CDKN2B-AS1: variants seen among roughly 807,000 people sequenced by gnomAD.
The protein encoded by CDKN2B-AS1 is CDKN2B antisense RNA 1 (non-protein coding).
At chr9:22,065,941 G>C (rs1824017879) in intron 4 of CDKN2B-AS1, among the ~76,000 whole-genome samples, 1 of 152,068 alleles carries the variant, frequency 6.6e-6, no homozygotes, top group South Asian at 2.1e-4. Flanking sequence ...TGACCTTTTG[G>C]CTTCAGGTAG....
chr9:22,014,433 G>C (rs1821650894), intron 1 of CDKN2B-AS1, among the ~76,000 whole-genome samples: 1 of 151,990 alleles, frequency 6.6e-6, no homozygotes, highest in Admixed American at 6.6e-5. Context: ...CCAAAGTGTT[G>C]GGATTACAGA....
At chr9:22,095,516 T>C (rs1825243168) in intron 4 of CDKN2B-AS1, among the ~76,000 whole-genome samples, 2 of 150,488 alleles carry the variant, frequency 1.3e-5, no homozygotes, top group South Asian at 2.1e-4. Flanking sequence ...AACTATGTGG[T>C]CAATTTTGGA....
intron 3 of CDKN2B-AS1, among the ~76,000 whole-genome samples, chr9:22,055,836 A>G (rs80227305): frequency 0.01 from 1,578 of 152,238 alleles, 24 homozygotes; most frequent in African/African-American, 0.032. Flanking sequence ...ACTCGGCTAC[A>G]TTATGAGAGG....
At chr9:22,101,548 C>A (rs1296079041) in intron 4 of CDKN2B-AS1, among the ~76,000 whole-genome samples, 1 of 151,968 alleles carries the variant, frequency 6.6e-6, no homozygotes, top group East Asian at 1.9e-4. Context: ...AGCTTTGTGG[C>A]AAAATAAGAA....
intron 4 of CDKN2B-AS1, among the ~76,000 whole-genome samples, chr9:22,092,830 C>G: frequency 6.6e-6 from 1 of 152,038 alleles, no homozygotes; most frequent in Non-Finnish European, 1.5e-5. Flanking sequence ...TCCTTCAGTT[C>G]TGCTCTGATC....
intron 4 of CDKN2B-AS1, among the ~76,000 whole-genome samples, chr9:22,062,609 T>C (rs1408450448): frequency 2.0e-5 from 3 of 152,138 alleles, no homozygotes; most frequent in Non-Finnish European, 2.9e-5. Context: ...GGTTCTGAGG[T>C]AGTCTCTGTG....
rs866893816 is a variant in CDKN2B-AS1 at position 21,999,150 on chromosome 9, A to G, written n.29+3989A>G. ...TTGTCAGGAAACAATCACTCTTACT[A>G]TTACAACTTGGTGTAATTGTTTTGA... On this transcript the variant is annotated intron_variant and non_coding_transcript_variant, in intron 1 of 4. Coordinates refer to ENST00000650946, the Ensembl canonical transcript of CDKN2B-AS1. The surrounding 1 kb of genome is among the most constrained non-coding windows in gnomAD (Gnocchi z 4.7). 5.3e-5 allele frequency among the ~76,000 whole-genome samples: 8 copies of G among 152,230 alleles called. 1 individual carries two copies. In the South Asian group the frequency reaches 1.0e-3, roughly 20 times the overall value.
intron 4 of CDKN2B-AS1, among the ~76,000 whole-genome samples, chr9:22,067,344 T>C (rs1405503727): frequency 3.9e-5 from 6 of 152,206 alleles, no homozygotes; most frequent in Non-Finnish European, 5.9e-5. Flanking sequence ...CTGTTATCTT[T>C]AGTACTTAGT....
At chr9:22,113,818 A>C (rs1179475144) in intron 4 of CDKN2B-AS1, 2 of 152,226 alleles carry the variant, frequency 1.3e-5, no homozygotes, top group African/African-American at 4.8e-5. Flanking sequence ...TGCTTTTATA[A>C]TAAATGTGTT....
intron 4 of CDKN2B-AS1, among the ~76,000 whole-genome samples, chr9:22,125,897 C>G (rs144033269): frequency 5.8e-4 from 89 of 152,176 alleles, no homozygotes; most frequent in African/African-American, 2.0e-3. Flanking sequence ...CCAAGATCTG[C>G]CAGACATATT....
intron 4 of CDKN2B-AS1, among the ~76,000 whole-genome samples, chr9:22,088,416 A>G (rs957219783): frequency 6.8e-6 from 1 of 147,940 alleles, no homozygotes; most frequent in African/African-American, 2.6e-5. Flanking sequence ...AGAATGCACA[A>G]TTGCACACAT....
At chr9:22,064,997 A>G (rs1417350228) in intron 4 of CDKN2B-AS1, among the ~76,000 whole-genome samples, 1 of 152,102 alleles carries the variant, frequency 6.6e-6, no homozygotes, top group East Asian at 1.9e-4. Context: ...CCTTTGATGT[A>G]TTTCTCTTTG....
At chr9:22,003,679 C>G in intron 1 of CDKN2B-AS1, 1 of 231,214 alleles carries the variant, frequency 4.3e-6, no homozygotes, top group Non-Finnish European at 8.6e-6. Flanking sequence ...TATTTTCTGT[C>G]CCTGTGCTTC....
intron 1 of CDKN2B-AS1, among the ~76,000 whole-genome samples, chr9:22,031,266 C>A (rs888845333): frequency 1.3e-5 from 2 of 152,110 alleles, no homozygotes; most frequent in African/African-American, 2.4e-5. Context: ...AAAACAAATA[C>A]CTTAAAAGAG....
rs929080860 is a variant in CDKN2B-AS1, at chr9:22,032,180, A to G, written n.30-14571A>G. On this transcript the variant is annotated intron_variant and non_coding_transcript_variant, in intron 1 of 4. Transcript: ENST00000650946. The stretch of plus-strand genomic sequence containing the variant: ...GGGGGAGAATGGTCATTTGTGATTC[A>G]GCTATACATAAGTCTACAAAAGTCA... Among the ~76,000 whole-genome samples the G allele has an allele frequency of 1.4e-4, 21 of 152,160 alleles. 1 individual carries two copies. Among genetic ancestry groups the G allele is most frequent in the African/African-American group, 4.6e-4 (19 of 41,432 alleles).
intron 4 of CDKN2B-AS1, among the ~76,000 whole-genome samples, chr9:22,083,124 G>C (rs910048090): frequency 6.6e-6 from 1 of 152,124 alleles, no homozygotes; most frequent in Non-Finnish European, 1.5e-5. Flanking sequence ...AGAACTATAC[G>C]TATGTTATCC....
intron 4 of CDKN2B-AS1, among the ~76,000 whole-genome samples, chr9:22,081,089 A>C (rs985403079): frequency 6.6e-6 from 1 of 152,194 alleles, no homozygotes; most frequent in African/African-American, 2.4e-5. Context: ...TAAAAATACA[A>C]TTAGGTCCAT....
intron 4 of CDKN2B-AS1, among the ~76,000 whole-genome samples, chr9:22,076,107 G>A (rs1370700912): frequency 6.6e-6 from 1 of 152,070 alleles, no homozygotes; most frequent in East Asian, 1.9e-4. Flanking sequence ...AGGCTGGAGT[G>A]CAATGCCACG....
At chr9:22,115,267 T>C (rs1036609338) in intron 4 of CDKN2B-AS1, among the ~76,000 whole-genome samples, 2 of 152,208 alleles carry the variant, frequency 1.3e-5, no homozygotes, top group Non-Finnish European at 2.9e-5. Flanking sequence ...GTTCTACTTA[T>C]ACTTTCAAGG....
Sources: gnomAD v4.1 joint callset for allele counts (sites outside exome capture counted in the v4.1 genomes callset) on GRCh38, gnomAD v4.1.1 for gene constraint, Gnocchi (gnomAD v3.1) non-coding constraint, MANE v1.5 for transcripts, NCBI Gene and HGNC (gene_info 2026-07-23, HGNC 2026-07-21) for gene names.